Variants in LYPD1 observed in about 807,000 individuals in gnomAD.
LYPD1 encodes the protein LY6/PLAUR domain containing 1.
A neutral mutation model predicts 14.2 loss-of-function variants in LYPD1; 14 were observed. The observed-to-expected ratio is 0.99, with a 90% CI of 0.65 to 1.54. The LOEUF is 1.54. LYPD1 is among the 40% of genes most tolerant of loss of function. The probability of loss-of-function intolerance (pLI) is 0.00; values close to 1 mark genes in which losing one functional copy is unlikely to be tolerated. For missense variants in LYPD1, 165 were observed against 175.7 expected, an observed-to-expected ratio of 0.94 and a Z score of 0.34; for synonymous variants, 85 against 70.6, an observed-to-expected ratio of 1.20 and a Z score of -1.02.
chr2:132,647,326 G>T (rs947611754), intron 2 of LYPD1, among the ~76,000 whole-genome samples: 3 of 152,202 alleles, frequency 2.0e-5, no homozygotes, highest in Non-Finnish European at 2.9e-5. Flanking sequence ...CTGTCAAGAC[G>T]GTGTTTACTG....
intron 2 of LYPD1, among the ~76,000 whole-genome samples, chr2:132,657,465 A>C (rs117217905): frequency 6.6e-6 from 1 of 152,214 alleles, no homozygotes; most frequent in Non-Finnish European, 1.5e-5. Flanking sequence ...AGATTAACAC[A>C]GTGGGGCCCA....
In LYPD1 at chr2:132,646,280, C is replaced by T. The variant is rs766198361; in HGVS notation, c.191G>A (p.Gly64Glu). ...CQKEVMEQSA[G>E]IMYRKSCASS... is the part of the protein sequence containing the mutation. ...TGCACAGGACTTGCGGTACATGATC[C>T]CTGTAACACAGACCCAAAGGAGCTG... The change falls in exon 3 of 3, where the codon GGG becomes GAG. Residue 64 changes from glycine to glutamate, a missense_variant and splice_region_variant. Gly to Glu is a moderately conservative substitution (Grantham distance 98). Coordinates refer to ENST00000397463, the MANE Select transcript of LYPD1 (RefSeq NM_144586.7). 1.3e-6 allele frequency: 2 copies of T among 1,488,256 alleles called. No individual in the cohort carries two copies. Among genetic ancestry groups the T allele is most frequent in the Non-Finnish European group, 1.8e-6 (2 of 1,112,398 alleles). 92.2% of individuals were successfully genotyped at this position (1,488,256 alleles called of 1,614,324 possible).
In LYPD1 at chr2:132,645,645, C is replaced by T. The variant is rs375631874; in HGVS notation, c.*400G>A. 6.3e-6 allele frequency: 10 copies of T among 1,577,478 alleles called. No homozygotes were observed. The highest frequency in any genetic ancestry group is 2.7e-5 in the African/African-American group (2 of 73,578). Reference sequence around the variant, plus strand: ...GAGCCTTGAGTGGGAACTGGCCCTCCAGCCCTAAGAAAACGTCACTCTCAC... The same window carrying T: ...GAGCCTTGAGTGGGAACTGGCCCTCTAGCCCTAAGAAAACGTCACTCTCAC... On this transcript the variant is annotated 3_prime_UTR_variant, in exon 3 of 3. Coordinates refer to ENST00000397463, the MANE Select transcript of LYPD1 (RefSeq NM_144586.7).
intron 2 of LYPD1, among the ~76,000 whole-genome samples, chr2:132,660,061 C>T (rs950491914): frequency 2.0e-5 from 3 of 152,288 alleles, no homozygotes; most frequent in African/African-American, 4.8e-5. Flanking sequence ...GGCTGAGAGC[C>T]GCGTGCCTGG....
At chr2:132,655,793 C>A (rs879479687) in intron 2 of LYPD1, among the ~76,000 whole-genome samples, 2 of 152,104 alleles carry the variant, frequency 1.3e-5, no homozygotes. Context: ...GGATTACAGG[C>A]GTGAGCCACC....
At chr2:132,654,096 T>C (rs1044649935) in intron 2 of LYPD1, among the ~76,000 whole-genome samples, 64 of 152,232 alleles carry the variant, frequency 4.2e-4, no homozygotes, top group Non-Finnish European at 2.9e-5. Flanking sequence ...TGTGCCAATG[T>C]TAATTTCCTA....
rs759142965 is a variant in LYPD1, at chr2:132,669,989, C to A, written c.-57G>T. ...AGCGCATCAGAGGAGGCGACAGCAGCGGAGGCTGCCCCGGCTGCAGCGGCT... is the reference window on the plus strand; with the variant it reads ...AGCGCATCAGAGGAGGCGACAGCAGAGGAGGCTGCCCCGGCTGCAGCGGCT... On this transcript the variant is annotated 5_prime_UTR_variant, in exon 1 of 3. Coordinates refer to ENST00000397463, the MANE Select transcript of LYPD1 (RefSeq NM_144586.7). This position sits in a 1 kb window ranked among gnomAD's most constrained non-coding sequence, Gnocchi z 4.3. 6.3e-7 allele frequency: 1 copy of A among 1,595,756 alleles called. No individual in the cohort carries two copies. The highest frequency in any genetic ancestry group is 8.5e-7 in the Non-Finnish European group (1 of 1,174,940).
chr2:132,668,259 G>A, intron 2 of LYPD1, 141 bp downstream of exon 2: 2 of 1,081,588 alleles, frequency 1.8e-6, no homozygotes, highest in South Asian at 1.8e-5. Flanking sequence ...CATTTTCCCA[G>A]CACTGTAAAA....
chr2:132,646,536 A>C (rs530592677), intron 2 of LYPD1: 180 of 372,152 alleles, frequency 4.8e-4, no homozygotes, highest in Non-Finnish European at 8.1e-4. Context: ...ATACCTGTTA[A>C]TAAAGAGCTG....
upstream of LYPD1, chr2:132,671,243 G>A (rs1244764130): frequency 1.3e-5 from 2 of 152,458 alleles, no homozygotes; most frequent in Non-Finnish European, 2.9e-5. Flanking sequence ...TGCAGCAGGT[G>A]GTGCGGGAGA....
intron 2 of LYPD1, among the ~76,000 whole-genome samples, chr2:132,664,164 A>G (rs779943082): frequency 1.3e-5 from 2 of 152,180 alleles, no homozygotes; most frequent in Non-Finnish European, 2.9e-5. Context: ...GACTATGATT[A>G]GCAGCACTGG....
chr2:132,646,570 A>AAGTC (rs1342241304), intron 2 of LYPD1: 9 of 302,878 alleles, frequency 3.0e-5, no homozygotes, highest in African/African-American at 1.9e-4. Flanking sequence ...TTTACATTTT[A>AAGTC]AGTCAGAGTT....
upstream of LYPD1, chr2:132,670,265 C>T: frequency 2.2e-6 from 1 of 461,868 alleles, no homozygotes; most frequent in East Asian, 8.1e-5. The surrounding 1 kb of genome is among the most constrained non-coding windows in gnomAD (Gnocchi z 4.5). Context: ...CCTCCCACTC[C>T]AGGCATCACG....
At chr2:132,667,474 A>G (rs1683349221) in intron 2 of LYPD1, among the ~76,000 whole-genome samples, 1 of 152,222 alleles carries the variant, frequency 6.6e-6, no homozygotes, top group Non-Finnish European at 1.5e-5. Context: ...ATCATATAAC[A>G]GTTCTAATCA....
At chr2:132,661,886 A>G (rs1292283791) in intron 2 of LYPD1, among the ~76,000 whole-genome samples, 2 of 151,686 alleles carry the variant, frequency 1.3e-5, no homozygotes, top group Non-Finnish European at 2.9e-5. Context: ...TTTCAATAAA[A>G]TTGTTGTTAA....
At chr2:132,647,440 C>T (rs1383977725) in intron 2 of LYPD1, among the ~76,000 whole-genome samples, 1 of 152,004 alleles carries the variant, frequency 6.6e-6, no homozygotes, top group African/African-American at 2.4e-5. Flanking sequence ...ATGTATGTGG[C>T]TTTTTTTTGA....
At chr2:132,646,568 T>TTAAG (rs767815907) in intron 2 of LYPD1, 6 of 307,872 alleles carry the variant, frequency 1.9e-5, no homozygotes, top group East Asian at 1.0e-4. Flanking sequence ...TATTTACATT[T>TTAAG]TAAGTCAGAG....
In LYPD1 at chr2:132,646,013, CAA is replaced by C; in HGVS notation, c.*30_*31del. On this transcript the variant is annotated 3_prime_UTR_variant, in exon 3 of 3. Transcript: ENST00000397463. Reference sequence around the variant, plus strand: ...GGGTTGGGGGCGAGGGCTGGAAGAACAATGCAGGAGGGGGTGGCATCTCCTTC... The same window carrying C: ...GGGTTGGGGGCGAGGGCTGGAAGAACTGCAGGAGGGGGTGGCATCTCCTTC... 1 of 1,468,438 alleles carries C rather than the reference CAA, an allele frequency of 6.8e-7. No homozygotes were observed. Among genetic ancestry groups the C allele is most frequent in the Non-Finnish European group, 9.1e-7 (1 of 1,096,006 alleles). 91.0% of individuals were successfully genotyped at this position (1,468,438 alleles called of 1,614,324 possible). A position where few individuals can be genotyped will look rare whatever the true frequency, so the allele number is the denominator to read the frequency against.
chr2:132,649,870 A>G (rs1432820369), intron 2 of LYPD1, among the ~76,000 whole-genome samples: 2 of 151,448 alleles, frequency 1.3e-5, no homozygotes, highest in African/African-American at 4.8e-5. Flanking sequence ...ACACTTTGGA[A>G]CCTTGGGAGA....
Sources: allele counts gnomAD v4.1 joint callset (sites outside exome capture counted in the v4.1 genomes callset), GRCh38; gene constraint gnomAD v4.1.1; non-coding constraint Gnocchi (gnomAD v3.1); transcripts MANE v1.5; gene names NCBI Gene and HGNC (gene_info 2026-07-23, HGNC 2026-07-21).